CEP57: variants seen among roughly 807,000 people sequenced by gnomAD.
The protein encoded by CEP57 is centrosomal protein 57.
CEP57 carries 40 observed loss-of-function variants against 68.0 expected under a neutral mutation model. The observed-to-expected ratio is 0.59, with a 90% CI of 0.46 to 0.77. The LOEUF is 0.77. CEP57 is among the 30% of genes least tolerant of loss of function. CEP57 has a pLI of 0.00. For synonymous variants in CEP57, 219 were observed against 198.7 expected (o/e 1.10, Z -0.86); for missense variants, 606 against 580.7 (o/e 1.04, Z -0.45).
intron 1 of CEP57, chr11:95,794,244 C>T (rs1194691436): frequency 2.2e-6 from 1 of 455,602 alleles, no homozygotes; most frequent in South Asian, 1.5e-5. Context: ...CTCTGGATTA[C>T]AGCTCAGTAG....
intron 6 of CEP57, among the ~76,000 whole-genome samples, chr11:95,820,581 A>G (rs1452421997): frequency 6.7e-6 from 1 of 148,466 alleles, no homozygotes; most frequent in African/African-American, 2.5e-5. Context: ...AACAAGAGCA[A>G]AAAAAAAAAA....
intron 2 of CEP57, among the ~76,000 whole-genome samples, chr11:95,809,534 C>A (rs905725919): frequency 2.0e-5 from 3 of 152,198 alleles, no homozygotes; most frequent in Non-Finnish European, 4.4e-5. Flanking sequence ...ACCAATCCCA[C>A]AGAAATACAG....
intron 2 of CEP57, among the ~76,000 whole-genome samples, chr11:95,806,863 G>T (rs1037441324): frequency 8.5e-5 from 13 of 152,220 alleles, no homozygotes; most frequent in African/African-American, 3.1e-4. Context: ...CAGCTTTGAA[G>T]AGAGCAGTGG....
At position 95,799,470 on chromosome 11, in the gene CEP57, C is replaced by A; in HGVS notation, c.202+82C>A. ...TTAACTTTGTCCTCCATTATTTTGC[C>A]ATTAGAGGAAAATATATTTCCCCTT... On this transcript the variant is annotated intron_variant, in intron 2 of 10. Coordinates refer to ENST00000325542, the MANE Select transcript of CEP57 (RefSeq NM_014679.5). 2.0e-6 allele frequency: 3 copies of A among 1,532,816 alleles called. No individual in the cohort carries two copies. The South Asian group carries it at 3.4e-5, about 17-fold the overall frequency. The allele number at this position is 1,532,816 out of a possible 1,614,324, so 95.0% of individuals were successfully genotyped here.
chr11:95,829,184 T>C lies in CEP57; in HGVS notation c.1128-3T>C. The C allele has an allele frequency of 1.9e-6, 3 of 1,613,750 alleles. No homozygotes were observed. Among genetic ancestry groups the C allele is most frequent in the Non-Finnish European group, 1.7e-6 (2 of 1,179,980 alleles). ...CCATGTTCTACTTCTGCTTTGTATA[T>C]AGTGATCACCAGCAGCTTGCAAAAC... On this transcript the variant is annotated splice_polypyrimidine_tract_variant and splice_region_variant and intron_variant, in intron 9 of 10. Coordinates refer to ENST00000325542, the MANE Select transcript of CEP57 (RefSeq NM_014679.5).
At position 95,827,967 on chromosome 11, in the gene CEP57, T is replaced by C. The variant is rs1862821931; in HGVS notation, c.1067T>C (p.Ile356Thr). Residue 356 changes from isoleucine (I) to threonine (T), a missense_variant, in exon 9 of 11, where the codon ATT becomes ACT. By Grantham distance (89) the Ile-to-Thr change is moderately conservative. Transcript: ENST00000325542. Reference protein sequence around the residue: ...LSVTPPSSNGINEELSEVLQT... With the variant: ...LSVTPPSSNGTNEELSEVLQT... Reference sequence around the variant, plus strand: ...GTAACACCTCCCTCCTCCAACGGTATTAATGAGGAGTTGTCAGAAGTCTTA... The same window carrying C: ...GTAACACCTCCCTCCTCCAACGGTACTAATGAGGAGTTGTCAGAAGTCTTA... The C allele has an allele frequency of 6.2e-7, 1 of 1,613,960 alleles. No individual in the cohort carries two copies.
intron 2 of CEP57, among the ~76,000 whole-genome samples, chr11:95,810,150 G>GC (rs1350798213): frequency 6.6e-6 from 1 of 152,116 alleles, no homozygotes; most frequent in Non-Finnish European, 1.5e-5. Flanking sequence ...AAATTCAGCA[G>GC]CCCTTCATGC....
At chr11:95,805,444 A>G (rs997311543) in intron 2 of CEP57, among the ~76,000 whole-genome samples, 5 of 152,158 alleles carry the variant, frequency 3.3e-5, no homozygotes, top group Non-Finnish European at 4.4e-5. Context: ...CATACCAGCA[A>G]GAATAAGCTG....
At chr11:95,806,321 C>T (rs370111271) in intron 2 of CEP57, among the ~76,000 whole-genome samples, 23 of 152,124 alleles carry the variant, frequency 1.5e-4, no homozygotes, top group African/African-American at 2.9e-4. Context: ...ACACAGAAGA[C>T]GGGTGATTTC....
At chr11:95,820,198 A>G (rs1040390624) in intron 6 of CEP57, among the ~76,000 whole-genome samples, 2 of 152,196 alleles carry the variant, frequency 1.3e-5, no homozygotes, top group Admixed American at 1.3e-4. Context: ...CATAGGGACC[A>G]AATTAGATGT....
intron 2 of CEP57, among the ~76,000 whole-genome samples, chr11:95,804,602 T>TA (rs1374979830): frequency 6.6e-6 from 1 of 152,116 alleles, no homozygotes; most frequent in Non-Finnish European, 1.5e-5. Flanking sequence ...AGAGACTGGA[T>TA]AAAAAAAGTC....
intron 4 of CEP57, 21 bp from the exon 5 acceptor site, chr11:95,817,766 G>T (rs189323652): frequency 6.9e-7 from 1 of 1,457,016 alleles, no homozygotes; most frequent in Non-Finnish European, 9.6e-7. Context: ...TTATCAAGCC[G>T]TATTGAATAT....
Position 95,831,298 on chromosome 11 carries a change from T to A in CEP57, c.*42T>A, listed in dbSNP as rs1410698790. ...AAATTTTATTCAGATAATCTGTACC[T>A]CATCAATCAGATGATGACAATTTAC... On this transcript the variant is annotated 3_prime_UTR_variant, in exon 11 of 11. Coordinates refer to ENST00000325542, the MANE Select transcript of CEP57 (RefSeq NM_014679.5). The A allele has an allele frequency of 7.4e-7, 1 of 1,342,606 alleles. No homozygotes were observed. The highest frequency in any genetic ancestry group is 1.2e-5 in the South Asian group (1 of 83,374). 83.2% of individuals were successfully genotyped at this position (1,342,606 alleles called of 1,614,324 possible). A position where few individuals can be genotyped will look rare whatever the true frequency, so the allele number is the denominator to read the frequency against.
chr11:95,818,304 T>G (rs1487239206), intron 5 of CEP57, among the ~76,000 whole-genome samples: 1 of 151,144 alleles, frequency 6.6e-6, no homozygotes, highest in Non-Finnish European at 1.5e-5. Context: ...CGCAGCTGCT[T>G]GGAGGCTGAG....
intron 8 of CEP57, chr11:95,826,422 A>G (rs1464189862): frequency 6.6e-6 from 1 of 152,162 alleles, no homozygotes; most frequent in African/African-American, 2.4e-5. Context: ...AACAACATAC[A>G]CTGGAGCCTG....
At chr11:95,792,594 G>C (rs1861137497) in intron 1 of CEP57, among the ~76,000 whole-genome samples, 1 of 152,232 alleles carries the variant, frequency 6.6e-6, no homozygotes, top group Non-Finnish European at 1.5e-5. Context: ...ACCCTTGACA[G>C]AAATACCAAA....
rs1433296878 is a variant in CEP57 at position 95,831,865 on chromosome 11, C to G, written c.*609C>G. 6.6e-6 allele frequency: 1 copy of G among 151,866 alleles called. No homozygotes were observed. Among genetic ancestry groups the G allele is most frequent in the East Asian group, 1.9e-4 (1 of 5,194 alleles). 9.4% of individuals were successfully genotyped at this position (151,866 alleles called of 1,614,324 possible). On this transcript the variant is annotated 3_prime_UTR_variant, in exon 11 of 11. Coordinates refer to ENST00000325542, the MANE Select transcript of CEP57 (RefSeq NM_014679.5). ...TTAATCTGTTAATTTTTTAAAGACC[C>G]AAGCAGTCATTTTGAGTTATATCTA...
chr11:95,812,376 A>G (rs898849834), intron 2 of CEP57, among the ~76,000 whole-genome samples: 1 of 152,050 alleles, frequency 6.6e-6, no homozygotes, highest in Non-Finnish European at 1.5e-5. Flanking sequence ...TACCATAGTA[A>G]TGGGGTTTTT....
In CEP57 at chr11:95,799,351, T is replaced by TA; in HGVS notation, c.167dup (p.Pro57AlafsTer18). 1.9e-6 allele frequency: 3 copies of TA among 1,614,074 alleles called. No homozygotes were observed. Among genetic ancestry groups the TA allele is most frequent in the Non-Finnish European group, 1.7e-6 (2 of 1,179,962 alleles). On this transcript the variant is annotated frameshift_variant, in exon 2 of 11. Transcript: ENST00000325542. LOFTEE classifies it high-confidence loss of function. ...ATAGTGATCTACGACGCTCCCCAAG[T>TA]AAGCCTACACTTGCCTATCCAGAAA... is the stretch of plus-strand genomic sequence containing the variant.
Sources: allele counts gnomAD v4.1 joint callset (sites outside exome capture counted in the v4.1 genomes callset), GRCh38; gene constraint gnomAD v4.1.1; transcripts MANE v1.5; gene names NCBI Gene and HGNC (gene_info 2026-07-23, HGNC 2026-07-21).